Variants in ASPSCR1 observed in about 807,000 individuals in gnomAD.
The protein encoded by ASPSCR1 is ASPSCR1 tether for SLC2A4, UBX domain containing, also known as tether containing UBX domain for GLUT4.
Under a neutral mutation model 68.9 loss-of-function variants are expected in ASPSCR1, and 55 were observed. The observed-to-expected ratio is 0.80, with a 90% CI of 0.64 to 1.00. The LOEUF (loss-of-function observed/expected upper bound fraction) is 1.00, where lower values mean the gene tolerates loss of function less well. Among genes scored for constraint, ASPSCR1 ranks in the 50% least tolerant of loss-of-function variants. The probability of loss-of-function intolerance (pLI) is 0.00; values close to 1 mark genes in which losing one functional copy is unlikely to be tolerated. For synonymous variants in ASPSCR1, 352 were observed against 332.6 expected (o/e 1.06, Z -0.63); for missense variants, 765 against 762.2 (o/e 1.00, Z -0.04).
At position 82,016,864 on chromosome 17, in the gene ASPSCR1, G is replaced by A; in HGVS notation, c.1470G>A (p.Val490=). The change falls in exon 14 of 16, where the codon GTG becomes GTA. Residue 490 remains valine, a synonymous_variant. Transcript: ENST00000306739. The part of the protein sequence containing the change: ...AISPSAADVL[V]ARYMSRAAGS... ...CCCCATCTGCGGCCGATGTGCTGGTGGCCAGGTAAGTGCCGGTGGGTCTGG... is the reference window on the plus strand; with the variant it reads ...CCCCATCTGCGGCCGATGTGCTGGTAGCCAGGTAAGTGCCGGTGGGTCTGG... The A allele has an allele frequency of 6.2e-7, 1 of 1,612,494 alleles. No homozygotes were observed. The highest frequency in any genetic ancestry group is 8.5e-7 in the Non-Finnish European group (1 of 1,179,958).
chr17:82,016,304 CAGGGGT>C, intron 12 of ASPSCR1, 166 bp from the exon 13 acceptor site: 1 of 627,632 alleles, frequency 1.6e-6, no homozygotes. Context: ...GCCTTGCTTA[CAGGGGT>C]AGGGCTGGTG....
Position 81,983,796 on chromosome 17 carries a change from T to G in ASPSCR1, c.273+128T>G, listed in dbSNP as rs980693700. 1 of 753,444 alleles carries G rather than the reference T, an allele frequency of 1.3e-6. No homozygotes were observed. The highest frequency in any genetic ancestry group is 1.8e-5 in the African/African-American group (1 of 56,904). The allele number at this position is 753,444 out of a possible 1,614,324, so 46.7% of individuals were successfully genotyped here. A position where few individuals can be genotyped will look rare whatever the true frequency, so the allele number is the denominator to read the frequency against. On this transcript the variant is annotated intron_variant, in intron 3 of 15. Transcript: ENST00000306739. The surrounding 1 kb of genome is among the most constrained non-coding windows in gnomAD (Gnocchi z 4.4). Reference sequence around the variant, plus strand: ...ATGAGTCTTAGCACCAGTTCTGCCTTCCCTGGGTTGGGCCCAAACAGCTTC... The same window carrying G: ...ATGAGTCTTAGCACCAGTTCTGCCTGCCCTGGGTTGGGCCCAAACAGCTTC...
At chr17:82,010,265 C>T (rs977865438) in intron 9 of ASPSCR1, among the ~76,000 whole-genome samples, 2 of 150,732 alleles carry the variant, frequency 1.3e-5, no homozygotes, top group Admixed American at 6.6e-5. Context: ...CGTGGTGGCT[C>T]ACGCCTGTAA....
chr17:81,982,230 A>G (rs1208280601), intron 2 of ASPSCR1, among the ~76,000 whole-genome samples: 6 of 152,194 alleles, frequency 3.9e-5, no homozygotes, highest in Admixed American at 1.3e-4. Context: ...GGGCCTCCCA[A>G]ATTGCTGGGA....
chr17:81,992,120 A>G (rs2042189408), intron 4 of ASPSCR1, among the ~76,000 whole-genome samples: 1 of 152,164 alleles, frequency 6.6e-6, no homozygotes, highest in South Asian at 2.1e-4. Flanking sequence ...AAGCGCCCCA[A>G]AGCACTTCTT....
intron 12 of ASPSCR1, chr17:82,016,192 G>A (rs941470513): frequency 2.1e-6 from 1 of 475,722 alleles, no homozygotes; most frequent in South Asian, 3.4e-5. Context: ...GAGGAGGGAG[G>A]ACGGTGATGC....
chr17:81,979,743 A>C (rs2041733959), intron 2 of ASPSCR1, among the ~76,000 whole-genome samples: 2 of 152,066 alleles, frequency 1.3e-5, no homozygotes. Flanking sequence ...GAGGGGAAAG[A>C]GCTGGCCGTG....
chr17:81,995,036 C>A, intron 5 of ASPSCR1, 158 bp downstream of exon 5: 1 of 804,254 alleles, frequency 1.2e-6, no homozygotes, highest in South Asian at 2.0e-5. Context: ...AGTGGCCGGC[C>A]CTCGGAGCCC....
At chr17:81,992,223 T>A (rs1211360285) in intron 4 of ASPSCR1, among the ~76,000 whole-genome samples, 1 of 152,236 alleles carries the variant, frequency 6.6e-6, no homozygotes, top group Non-Finnish European at 1.5e-5. Flanking sequence ...ACATTGGGAC[T>A]TGCAGAGGTC....
intron 4 of ASPSCR1, among the ~76,000 whole-genome samples, 157 bp downstream of exon 4, chr17:81,985,764 C>T (rs1390953413): frequency 6.6e-6 from 1 of 152,182 alleles, no homozygotes; most frequent in Non-Finnish European, 1.5e-5. Flanking sequence ...GGTGTGTGGG[C>T]TGCCGGTTCA....
chr17:81,990,179 C>G lies in ASPSCR1; in HGVS notation c.374+4572C>G, dbSNP rs764091388. Among the ~76,000 whole-genome samples the G allele has an allele frequency of 6.6e-6, 1 of 152,214 alleles. No homozygotes were observed. Among genetic ancestry groups the G allele is most frequent in the African/African-American group, 2.4e-5 (1 of 41,450 alleles). Reference sequence around the variant, plus strand: ...ACTCAGTATACCCAAAATACGACTTCCTGGACACGTAGTCAGTAGAAAAGT... The same window carrying G: ...ACTCAGTATACCCAAAATACGACTTGCTGGACACGTAGTCAGTAGAAAAGT... On this transcript the variant is annotated intron_variant, in intron 4 of 15. Transcript: ENST00000306739. This position sits in a 1 kb window ranked among gnomAD's most constrained non-coding sequence, Gnocchi z 4.1.
In ASPSCR1 at chr17:82,009,059, ACCGGGAGCCGGTGGT is replaced by A; in HGVS notation, c.957_971del (p.Asp319_Val324delinsGlu). On this transcript the variant is annotated inframe_deletion, in exon 8 of 16. Coordinates refer to ENST00000306739, the MANE Select transcript of ASPSCR1 (RefSeq NM_024083.4). ...CAGCCCGTGGACCGGGAGCCCGTGGACCGGGAGCCGGTGGTGTGCCACCCCGACCTGGAGGAGCGG... is the reference window on the plus strand; with the variant it reads ...CAGCCCGTGGACCGGGAGCCCGTGGAGTGCCACCCCGACCTGGAGGAGCGG... The A allele has an allele frequency of 6.4e-7, 1 of 1,559,790 alleles. No individual in the cohort carries two copies. Among genetic ancestry groups the A allele is most frequent in the South Asian group, 1.2e-5 (1 of 85,258 alleles).
intron 7 of ASPSCR1, among the ~76,000 whole-genome samples, chr17:82,002,003 C>CTTTTTTTTTTTTTTTTTT (rs71166183): frequency 2.1e-5 from 2 of 93,806 alleles, no homozygotes; most frequent in African/African-American, 4.3e-5. Context: ...TTTCTTTTTC[C>CTTTTTTTTTTTTTTTTTT]TTTTTTTTTT....
intron 7 of ASPSCR1, among the ~76,000 whole-genome samples, chr17:82,001,694 C>G (rs1201014149): frequency 2.6e-5 from 4 of 152,190 alleles, no homozygotes; most frequent in Non-Finnish European, 5.9e-5. Flanking sequence ...CTGGCCCCTT[C>G]TGGCCTGGAC....
chr17:81,994,941 A>G, intron 5 of ASPSCR1, 63 bp downstream of exon 5: 1 of 1,516,182 alleles, frequency 6.6e-7, no homozygotes. Flanking sequence ...CCAACTGGAA[A>G]ATCTGCTGTC....
At chr17:82,013,647 G>A (rs1041595271) in intron 12 of ASPSCR1, 6 of 152,422 alleles carry the variant, frequency 3.9e-5, no homozygotes, top group South Asian at 4.1e-4. Flanking sequence ...GCCGGCCCCC[G>A]GCTTCCGAGA....
intron 12 of ASPSCR1, 79 bp from the exon 13 acceptor site, chr17:82,016,397 C>G (rs896888389): frequency 2.3e-6 from 3 of 1,332,484 alleles, no homozygotes; most frequent in Non-Finnish European, 3.1e-6. Context: ...TGGGGCCTGG[C>G]CCTGGGGGTG....
intron 2 of ASPSCR1, among the ~76,000 whole-genome samples, chr17:81,982,181 C>T (rs1210731835): frequency 6.6e-6 from 1 of 152,178 alleles, no homozygotes; most frequent in Non-Finnish European, 1.5e-5. Context: ...ATTGGCCAGA[C>T]TGCTCTCAAA....
chr17:82,006,884 G>A (rs1320257461), intron 7 of ASPSCR1: 2 of 152,314 alleles, frequency 1.3e-5, no homozygotes, highest in Non-Finnish European at 2.9e-5. Flanking sequence ...GGTGTGGCTG[G>A]GGCAGCCCTG....
Sources: allele counts gnomAD v4.1 joint callset (sites outside exome capture counted in the v4.1 genomes callset), GRCh38; gene constraint gnomAD v4.1.1; non-coding constraint Gnocchi (gnomAD v3.1); transcripts MANE v1.5; gene names NCBI Gene and HGNC (gene_info 2026-07-23, HGNC 2026-07-21).